Variants in COL4A1 observed in about 807,000 individuals in gnomAD.
COL4A1 encodes the protein collagen alpha-1(IV) chain.
Under a neutral mutation model 216.6 loss-of-function variants are expected in COL4A1, and 40 were observed. The observed-to-expected ratio is 0.18, with a 90% CI of 0.14 to 0.24. COL4A1 has a LOEUF of 0.24. Ranked by LOEUF, COL4A1 falls within the 10% of genes least tolerant of loss-of-function variation. The pLI, the probability that COL4A1 is intolerant of heterozygous loss-of-function variation, is 1.00. For synonymous variants in COL4A1, 839 were observed against 810.7 expected (o/e 1.03, Z -0.59); for missense variants, 1,628 against 2,196.8 (o/e 0.74, Z 5.18).
chr13:110,225,070 T>A (rs1490306219), intron 2 of COL4A1, among the ~76,000 whole-genome samples: 1 of 152,144 alleles, frequency 6.6e-6, no homozygotes, highest in Non-Finnish European at 1.5e-5. Context: ...TAATTATTTA[T>A]CAAAATTGGG....
chr13:110,220,690 C>T (rs1880434614), intron 2 of COL4A1, among the ~76,000 whole-genome samples: 1 of 152,068 alleles, frequency 6.6e-6, no homozygotes, highest in Admixed American at 6.6e-5. Flanking sequence ...CTCCTTCTGA[C>T]TATCATTAGC....
intron 26 of COL4A1, among the ~76,000 whole-genome samples, chr13:110,183,802 A>G (rs1878285555): frequency 6.6e-6 from 1 of 152,238 alleles, no homozygotes; most frequent in South Asian, 2.1e-4. Context: ...CTTGAGCAAC[A>G]CAGGCAAAAC....
At chr13:110,179,534 T>C in intron 29 of COL4A1, 113 bp from the exon 30 acceptor site, 1 of 1,467,394 alleles carries the variant, frequency 6.8e-7, no homozygotes. Context: ...TTAGTAAGAA[T>C]ATTATCTGCT....
intron 2 of COL4A1, among the ~76,000 whole-genome samples, chr13:110,241,968 G>A (rs1390602308): frequency 6.6e-6 from 1 of 152,188 alleles, no homozygotes; most frequent in Non-Finnish European, 1.5e-5. Context: ...AGTGGCTTAA[G>A]GTGGTGGCAT....
At chr13:110,243,302 C>T (rs752681102) in intron 1 of COL4A1, among the ~76,000 whole-genome samples, 1 of 151,950 alleles carries the variant, frequency 6.6e-6, no homozygotes, top group Admixed American at 6.6e-5. Context: ...CAGTCAACAA[C>T]AAAATATTCT....
chr13:110,261,035 T>TAAAAAAATAAAA (rs1303970828), intron 1 of COL4A1, among the ~76,000 whole-genome samples: 1 of 42,184 alleles, frequency 2.4e-5, no homozygotes, highest in Non-Finnish European at 4.7e-5. Flanking sequence ...AGACTCCGTC[T>TAAAAAAATAAAA]CAAAAAAAAA....
In COL4A1 at chr13:110,164,260, C is replaced by T. The variant is rs140710935; in HGVS notation, c.4150+602G>A. On this transcript the variant is annotated intron_variant, in intron 46 of 51. Transcript: ENST00000375820. ...CTCCCACCTCAGCCTCCCAAAAAGC[C>T]GGCATTACATAGGTGTGACCCAGTG... Among the ~76,000 whole-genome samples, 599 of 152,146 alleles carry T rather than the reference C, an allele frequency of 3.9e-3. 19 individuals carry two copies. In the East Asian group the frequency reaches 0.077, roughly 19 times the overall value.
chr13:110,247,212 A>G (rs1469542541), intron 1 of COL4A1, among the ~76,000 whole-genome samples: 4 of 152,206 alleles, frequency 2.6e-5, no homozygotes, highest in Non-Finnish European at 5.9e-5. Context: ...TTGTCTCCAA[A>G]TGGAAGCCAA....
rs776747045 is a variant in COL4A1, at chr13:110,205,481, G to C, written c.903+13C>G. The C allele has an allele frequency of 6.2e-7, 1 of 1,614,110 alleles. No individual in the cohort carries two copies. Among genetic ancestry groups the C allele is most frequent in the Non-Finnish European group, 8.5e-7 (1 of 1,179,998 alleles). On this transcript the variant is annotated intron_variant, in intron 16 of 51. Coordinates refer to ENST00000375820, the MANE Select transcript of COL4A1 (RefSeq NM_001845.6). Reference sequence around the variant, plus strand: ...AGTGAGCCTGCTTGTAAAAACCACAGAGAAACACTTACGGGACTCCCTTTT... The same window carrying C: ...AGTGAGCCTGCTTGTAAAAACCACACAGAAACACTTACGGGACTCCCTTTT...
chr13:110,211,828 A>C lies in COL4A1; in HGVS notation c.441+41T>G. 1.2e-6 allele frequency: 2 copies of C among 1,608,532 alleles called. No individual in the cohort carries two copies. Among genetic ancestry groups the C allele is most frequent in the African/African-American group, 1.3e-5 (1 of 74,630 alleles). ...ATGGAATGAAAAGAGAGAAGTCATA[A>C]CTAAAAGAAAGAAGTTCTGCCCTAA... On this transcript the variant is annotated intron_variant, in intron 7 of 51. Transcript: ENST00000375820. This position sits in a 1 kb window ranked among gnomAD's most constrained non-coding sequence, Gnocchi z 4.3.
At chr13:110,181,466 T>A (rs1156555620) in intron 28 of COL4A1, 77 bp from the exon 29 acceptor site, 1 of 1,397,470 alleles carries the variant, frequency 7.2e-7, no homozygotes, top group Non-Finnish European at 9.9e-7. Context: ...TTTCTTCACT[T>A]TTAGTCTTGC....
rs630968 is a variant in COL4A1 at position 110,174,052 on chromosome 13, C to T, written c.3407-54G>A. The T allele has an allele frequency of 0.014, 22,834 of 1,593,346 alleles. 2,539 individuals carry two copies. In the African/African-American group the frequency reaches 0.25, roughly 18 times the overall value. The stretch of plus-strand genomic sequence containing the variant: ...CGCATAACCTCTCACAGCACCCTAG[C>T]TGCCATACAAAATGGCCCTTTGCTG... On this transcript the variant is annotated intron_variant, in intron 39 of 51. Transcript: ENST00000375820.
chr13:110,171,932 C>T (rs1877661587), intron 41 of COL4A1, among the ~76,000 whole-genome samples: 1 of 152,248 alleles, frequency 6.6e-6, no homozygotes, highest in African/African-American at 2.4e-5. Flanking sequence ...CCTTCTCAAC[C>T]CAGGGGTTCC....
intron 1 of COL4A1, among the ~76,000 whole-genome samples, chr13:110,272,456 C>A (rs1490464665): frequency 6.6e-6 from 1 of 152,148 alleles, no homozygotes; most frequent in African/African-American, 2.4e-5. Context: ...ACAGAGCAAC[C>A]CCTAAACCCT....
At chr13:110,231,573 G>A (rs1409255684) in intron 2 of COL4A1, among the ~76,000 whole-genome samples, 1 of 152,110 alleles carries the variant, frequency 6.6e-6, no homozygotes, top group African/African-American at 2.4e-5. Context: ...TTCACTTGGG[G>A]GTTCAGTTGT....
rs370359849 is a variant in COL4A1, at chr13:110,155,180, C to T, written c.4755+103G>A. 148 of 839,378 alleles carry T rather than the reference C, an allele frequency of 1.8e-4. 1 individual carries two copies. Among genetic ancestry groups the T allele is most frequent in the South Asian group, 1.3e-3 (92 of 72,386 alleles). The allele number at this position is 839,378 out of a possible 1,614,324, so 52.0% of individuals were successfully genotyped here. On this transcript the variant is annotated intron_variant, in intron 50 of 51. Transcript: ENST00000375820. The stretch of plus-strand genomic sequence containing the variant: ...GAGGAAGAAGGAGGGGCTTAAGCAG[C>T]GAGATGCAGAGAACTCCAAGGTGTG...
At chr13:110,293,312 G>A (rs531850542) in intron 1 of COL4A1, among the ~76,000 whole-genome samples, 112 of 152,326 alleles carry the variant, frequency 7.4e-4, no homozygotes, top group African/African-American at 2.5e-3. Context: ...CTGACCCAGG[G>A]AAGAGTCAGT....
chr13:110,199,817 AAC>A (rs1452534951), intron 20 of COL4A1, among the ~76,000 whole-genome samples: 1 of 152,238 alleles, frequency 6.6e-6, no homozygotes, highest in Non-Finnish European at 1.5e-5. Flanking sequence ...GTAGACAGTA[AAC>A]AAGGCTTCTG....
chr13:110,273,348 A>C (rs1883314079), intron 1 of COL4A1, among the ~76,000 whole-genome samples: 1 of 152,258 alleles, frequency 6.6e-6, no homozygotes, highest in Non-Finnish European at 1.5e-5. Flanking sequence ...TACCTGTGTC[A>C]AAAAGGCTCT....
Sources: gnomAD v4.1 joint callset for allele counts (sites outside exome capture counted in the v4.1 genomes callset) on GRCh38, gnomAD v4.1.1 for gene constraint, Gnocchi (gnomAD v3.1) non-coding constraint, MANE v1.5 for transcripts, NCBI Gene and HGNC (gene_info 2026-07-23, HGNC 2026-07-21) for gene names.